The following LY96 variants were observed in gnomAD, a reference collection of about 807,000 sequenced individuals.
LY96 encodes the protein lymphocyte antigen 96, also known as myeloid differentiation protein-2.
LY96 carries 18 observed loss-of-function variants against 18.9 expected under a neutral mutation model. The observed-to-expected ratio is 0.95, with a 90% CI of 0.66 to 1.41. The LOEUF (loss-of-function observed/expected upper bound fraction) is 1.41, where lower values mean the gene tolerates loss of function less well. Among genes scored for constraint, LY96 ranks in the 40% most tolerant of loss-of-function variants. The pLI is 0.00. For missense variants in LY96, 175 were observed against 182.4 expected (o/e 0.96, Z 0.23); for synonymous variants, 66 against 62.6 (o/e 1.06, Z -0.26).
intron 2 of LY96, among the ~76,000 whole-genome samples, chr8:74,006,487 C>T (rs137964758): frequency 0.012 from 1,792 of 152,258 alleles, 37 homozygotes; most frequent in African/African-American, 0.041. Context: ...CGCGAGCCAC[C>T]GTGCCCAGCC....
At chr8:73,991,660 G>T in intron 1 of LY96, 106 bp downstream of exon 1, 1 of 734,174 alleles carries the variant, frequency 1.4e-6, no homozygotes, top group Non-Finnish European at 2.5e-6. Flanking sequence ...ACATCAGTGT[G>T]TTCCAGCTGC....
the LY96 span, among the ~76,000 whole-genome samples, chr8:74,047,620 G>A: frequency 1.3e-5 from 2 of 152,200 alleles, no homozygotes; most frequent in Non-Finnish European, 2.9e-5. Context: ...GGCAATGCTG[G>A]TAGAACACTC....
At chr8:74,097,815 A>G in the LY96 span, among the ~76,000 whole-genome samples, 1 of 152,208 alleles carries the variant, frequency 6.6e-6, no homozygotes, top group Non-Finnish European at 1.5e-5. Flanking sequence ...AGCATCATCA[A>G]CAATACCTAG....
the LY96 span, among the ~76,000 whole-genome samples, chr8:74,068,077 A>AT: frequency 6.1e-5 from 6 of 98,492 alleles, no homozygotes; most frequent in African/African-American, 3.7e-4. Flanking sequence ...AAAAAAAAAA[A>AT]AAAAAAAAAA....
At chr8:74,011,890 C>T (rs1372110207) in intron 3 of LY96, among the ~76,000 whole-genome samples, 2 of 147,800 alleles carry the variant, frequency 1.4e-5, no homozygotes, top group African/African-American at 5.0e-5. Flanking sequence ...GGGAAAAGGA[C>T]ATGAATAGAC....
the LY96 span, among the ~76,000 whole-genome samples, chr8:74,061,455 A>T: frequency 1.3e-5 from 2 of 152,230 alleles, no homozygotes; most frequent in African/African-American, 4.8e-5. Context: ...CATGTTTCTT[A>T]ACAGAAATGA....
the LY96 span, among the ~76,000 whole-genome samples, chr8:74,085,915 C>T: frequency 6.6e-6 from 1 of 152,102 alleles, no homozygotes; most frequent in African/African-American, 2.4e-5. Flanking sequence ...TTAGGGTCTA[C>T]TGTCAGCAAA....
the LY96 span, among the ~76,000 whole-genome samples, chr8:74,047,695 C>G: frequency 2.0e-5 from 3 of 152,154 alleles, no homozygotes; most frequent in African/African-American, 7.2e-5. Context: ...GTTTTCACAT[C>G]TCTAAAATAC....
the LY96 span, among the ~76,000 whole-genome samples, chr8:74,061,608 G>A: frequency 6.6e-6 from 1 of 152,150 alleles, no homozygotes; most frequent in African/African-American, 2.4e-5. Context: ...GTTGCTAAGA[G>A]AGTAAATTTT....
At chr8:74,028,841 T>C (rs1816920793) in intron 4 of LY96, 115 bp from the exon 5 acceptor site, 2 of 624,242 alleles carry the variant, frequency 3.2e-6, no homozygotes, top group East Asian at 5.6e-5. Flanking sequence ...TGGAAAACTA[T>C]AAAATCAATC....
At chr8:74,002,081 T>TCTCTCTCTCTCTC (rs1816302893) in intron 1 of LY96, among the ~76,000 whole-genome samples, 1 of 27,622 alleles carries the variant, frequency 3.6e-5, no homozygotes, top group Non-Finnish European at 6.3e-5. Flanking sequence ...CTTCCTTTCT[T>TCTCTCTCTCTCTC]TCTTTCTTTC....
At chr8:74,019,784 G>A (rs897884413) in intron 3 of LY96, among the ~76,000 whole-genome samples, 3 of 152,060 alleles carry the variant, frequency 2.0e-5, no homozygotes, top group South Asian at 2.1e-4. Context: ...ATCAATATAC[G>A]TAATTCATCA....
the LY96 span, among the ~76,000 whole-genome samples, chr8:74,041,915 C>T: frequency 6.6e-6 from 1 of 152,192 alleles, no homozygotes; most frequent in Non-Finnish European, 1.5e-5. Context: ...TTGTGACCTA[C>T]TCCCTGTTCT....
intron 2 of LY96, among the ~76,000 whole-genome samples, chr8:74,007,593 A>G (rs1178318821): frequency 2.0e-5 from 3 of 152,220 alleles, no homozygotes; most frequent in African/African-American, 7.2e-5. Context: ...TGGAAATGAT[A>G]TCTTTTGAGA....
chr8:74,079,736 C>T, the LY96 span: 1 of 151,810 alleles, frequency 6.6e-6, no homozygotes, highest in Non-Finnish European at 1.5e-5. Context: ...GTCGCTATGT[C>T]ACCCAGACTG....
downstream of LY96, among the ~76,000 whole-genome samples, chr8:74,031,053 GC>G (rs531825711): frequency 2.8e-4 from 43 of 151,970 alleles, no homozygotes; most frequent in South Asian, 8.3e-3. Flanking sequence ...TCTGGCTGGG[GC>G]TACCCCCGTG....
At chr8:74,092,083 T>C in the LY96 span, among the ~76,000 whole-genome samples, 1 of 152,318 alleles carries the variant, frequency 6.6e-6, no homozygotes, top group African/African-American at 2.4e-5. Flanking sequence ...AAAAGCTCCC[T>C]ATAGTCTAGG....
chr8:74,059,155 G>T, the LY96 span, among the ~76,000 whole-genome samples: 43 of 152,290 alleles, frequency 2.8e-4, no homozygotes, highest in African/African-American at 9.9e-4. Context: ...CAGCAATAGT[G>T]TTTAATCAGA....
chr8:74,096,673 A>G, the LY96 span, among the ~76,000 whole-genome samples: 1 of 152,140 alleles, frequency 6.6e-6, no homozygotes, highest in African/African-American at 2.4e-5. Flanking sequence ...ATTTCCCACT[A>G]GAATGTAATC....
Sources: allele counts gnomAD v4.1 joint callset (sites outside exome capture counted in the v4.1 genomes callset), GRCh38; gene constraint gnomAD v4.1.1; transcripts MANE v1.5; gene names NCBI Gene and HGNC (gene_info 2026-07-23, HGNC 2026-07-21).